NTN1: variants seen among roughly 807,000 people sequenced by gnomAD.
The protein encoded by NTN1 is netrin-1.
NTN1 carries 11 observed loss-of-function variants against 54.2 expected under a neutral mutation model. The ratio of observed to expected loss-of-function variants is 0.20; its 90% CI spans 0.13 to 0.34. The LOEUF (loss-of-function observed/expected upper bound fraction) is 0.34. Among genes scored for constraint, NTN1 ranks in the 10% least tolerant of loss-of-function variants. The pLI is 1.00. For missense variants in NTN1, 740 were observed against 893.1 expected (o/e 0.83, Z 2.18); for synonymous variants, 371 against 382.0 (o/e 0.97, Z 0.33).
chr17:9,196,194 A>C (rs1326142615), intron 5 of NTN1, among the ~76,000 whole-genome samples: 1 of 152,120 alleles, frequency 6.6e-6, no homozygotes, highest in Non-Finnish European at 1.5e-5. Flanking sequence ...GCACCCGGGC[A>C]ATGGGGGGCT....
chr17:9,025,772 C>T (rs2151507686), intron 2 of NTN1, among the ~76,000 whole-genome samples: 1 of 152,250 alleles, frequency 6.6e-6, no homozygotes, highest in Admixed American at 6.5e-5. Context: ...AAAGGTTGAG[C>T]TTTTTATGAA....
rs559697850 is a variant in NTN1, at chr17:9,107,441, G to T, written c.1019-55372G>T. Among the ~76,000 whole-genome samples the T allele has an allele frequency of 3.3e-5, 5 of 152,324 alleles. No homozygotes were observed. The East Asian group carries it at 9.6e-4, about 29-fold the overall frequency. ...GGGCACTTACTCCCCGGTTATGACT[G>T]TTTCCAGATTATACATTGTTAGAAA... is the stretch of plus-strand genomic sequence containing the variant. On this transcript the variant is annotated intron_variant, in intron 2 of 6. Coordinates refer to ENST00000173229, the MANE Select transcript of NTN1 (RefSeq NM_004822.3).
chr17:9,120,398 C>T (rs546591396), intron 2 of NTN1, among the ~76,000 whole-genome samples: 2 of 152,146 alleles, frequency 1.3e-5, no homozygotes, highest in Non-Finnish European at 2.9e-5. Context: ...CTCTCCCCCA[C>T]GTTAAGGATT....
chr17:9,082,192 T>C (rs2092073433), intron 2 of NTN1, among the ~76,000 whole-genome samples: 1 of 152,194 alleles, frequency 6.6e-6, no homozygotes, highest in Admixed American at 6.5e-5. Flanking sequence ...CCTGAGTAAC[T>C]GGGATTAGAG....
chr17:9,071,824 T>G (rs1287292659), intron 2 of NTN1, among the ~76,000 whole-genome samples: 1 of 152,230 alleles, frequency 6.6e-6, no homozygotes, highest in Non-Finnish European at 1.5e-5. Context: ...AGGGTTTCTT[T>G]CCCTCCAGAA....
chr17:9,039,030 T>G (rs1362233682), intron 2 of NTN1, among the ~76,000 whole-genome samples: 1 of 152,222 alleles, frequency 6.6e-6, no homozygotes, highest in Admixed American at 6.5e-5. Context: ...TGTCACTGAT[T>G]TGAGATGCCA....
chr17:9,159,884 T>A (rs1404527294), intron 2 of NTN1, among the ~76,000 whole-genome samples: 1 of 152,134 alleles, frequency 6.6e-6, no homozygotes, highest in Admixed American at 6.5e-5. Context: ...CTAGAGAAAT[T>A]TGCACTACAA....
chr17:9,231,795 G>A (rs1307977295), intron 6 of NTN1, among the ~76,000 whole-genome samples: 3 of 152,220 alleles, frequency 2.0e-5, no homozygotes, highest in Admixed American at 6.5e-5. Flanking sequence ...TGGGAGCCCC[G>A]GAGGGAGCTG....
At chr17:9,234,889 T>G (rs979513649) in intron 6 of NTN1, among the ~76,000 whole-genome samples, 3 of 152,196 alleles carry the variant, frequency 2.0e-5, no homozygotes, top group African/African-American at 7.2e-5. Flanking sequence ...CATTCTGGCT[T>G]AAGGCAGTGA....
chr17:9,086,852 CCAT>C (rs1033025573), intron 2 of NTN1, among the ~76,000 whole-genome samples: 1 of 152,096 alleles, frequency 6.6e-6, no homozygotes, highest in African/African-American at 2.4e-5. Context: ...ATTATTGTCA[CCAT>C]CATCATCACT....
intron 2 of NTN1, among the ~76,000 whole-genome samples, chr17:9,151,684 C>A (rs1477610142): frequency 6.6e-6 from 1 of 152,178 alleles, no homozygotes; most frequent in Non-Finnish European, 1.5e-5. Context: ...TGTATGGGCT[C>A]CTCTCTGGGA....
At chr17:9,077,625 C>T (rs993949708) in intron 2 of NTN1, among the ~76,000 whole-genome samples, 2 of 152,158 alleles carry the variant, frequency 1.3e-5, no homozygotes, top group African/African-American at 2.4e-5. Flanking sequence ...AAATAAAGTA[C>T]ACTTCTGTTA....
chr17:9,191,280 G>A (rs1287176400), intron 5 of NTN1, among the ~76,000 whole-genome samples: 4 of 152,176 alleles, frequency 2.6e-5, no homozygotes, highest in African/African-American at 9.6e-5. Context: ...GACCAACATA[G>A]TGAAACCCCG....
chr17:9,132,061 T>G (rs1403870522), intron 2 of NTN1, among the ~76,000 whole-genome samples: 1 of 151,870 alleles, frequency 6.6e-6, no homozygotes, highest in Non-Finnish European at 1.5e-5. Flanking sequence ...ACTGGTGGTC[T>G]CAGCCTCTGT....
intron 5 of NTN1, among the ~76,000 whole-genome samples, chr17:9,210,601 C>T (rs940393175): frequency 3.3e-5 from 5 of 152,206 alleles, no homozygotes; most frequent in Admixed American, 6.5e-5. Flanking sequence ...AGTAAATGGT[C>T]CTCATCCTCG....
Position 9,243,234 on chromosome 17 carries a change from C to T in NTN1, c.*3266C>T, listed in dbSNP as rs895449909. 1 of 152,128 alleles carries T rather than the reference C, an allele frequency of 6.6e-6. No individual in the cohort carries two copies. The highest frequency in any genetic ancestry group is 6.5e-5 in the Admixed American group (1 of 15,276). 9.4% of individuals were successfully genotyped at this position (152,128 alleles called of 1,614,324 possible). A position where few individuals can be genotyped will look rare whatever the true frequency, so the allele number is the denominator to read the frequency against. On this transcript the variant is annotated 3_prime_UTR_variant, in exon 7 of 7. Coordinates refer to ENST00000173229, the MANE Select transcript of NTN1 (RefSeq NM_004822.3). ...GGCAGGAGGCAGCATCCCCAGGGGC[C>T]TCTATGTGGGAGGGAGGGACACCTG...
At chr17:9,106,472 CCTTCCTTCCTTCCTTCCTTCCTT>C (rs1567711913) in intron 2 of NTN1, among the ~76,000 whole-genome samples, 388 of 16,796 alleles carry the variant, frequency 0.023, 2 homozygotes, top group African/African-American at 0.055. Context: ...TTCCTCCCTT[CCTTCCTTCCTTCCTTCCTTCCTT>C]CCTTCCTTCC....
intron 2 of NTN1, among the ~76,000 whole-genome samples, chr17:9,144,269 C>T (rs761951711): frequency 1.3e-5 from 2 of 151,946 alleles, no homozygotes; most frequent in Non-Finnish European, 2.9e-5. Context: ...AGCCATGTGT[C>T]CAGCATCTAG....
chr17:9,122,163 A>G (rs1198497019), intron 2 of NTN1, among the ~76,000 whole-genome samples: 1 of 150,966 alleles, frequency 6.6e-6, no homozygotes, highest in Admixed American at 6.6e-5. Context: ...TCAGCCTCCC[A>G]AGTAGCTGGG....
Sources: gnomAD v4.1 joint callset for allele counts (sites outside exome capture counted in the v4.1 genomes callset) on GRCh38, gnomAD v4.1.1 for gene constraint, MANE v1.5 for transcripts, NCBI Gene and HGNC (gene_info 2026-07-23, HGNC 2026-07-21) for gene names.